Variants in INPP5B observed in about 807,000 individuals in gnomAD.
INPP5B encodes the protein type II inositol 1,4,5-trisphosphate 5-phosphatase.
Under a neutral mutation model 118.5 loss-of-function variants are expected in INPP5B, and 90 were observed. The ratio of observed to expected loss-of-function variants is 0.76; its 90% CI spans 0.64 to 0.90. The LOEUF is 0.90. Ranked by LOEUF, INPP5B falls within the 40% of genes least tolerant of loss-of-function variation. INPP5B has a pLI of 0.00. For missense variants in INPP5B, 984 were observed against 1,125.6 expected (o/e 0.87, Z 1.80); for synonymous variants, 385 against 418.9 (o/e 0.92, Z 0.99).
At chr1:37,941,045 A>C (rs1354470444) in intron 5 of INPP5B, among the ~76,000 whole-genome samples, 1 of 152,242 alleles carries the variant, frequency 6.6e-6, no homozygotes, top group Middle Eastern at 3.4e-3. Flanking sequence ...CCTCAACTGC[A>C]GTACTAGATG....
At chr1:37,908,169 G>T (rs928754552) in intron 7 of INPP5B, among the ~76,000 whole-genome samples, 9 of 152,164 alleles carry the variant, frequency 5.9e-5, no homozygotes, top group Admixed American at 3.3e-4. Context: ...CACAAAGCCT[G>T]TTGGTGGTCT....
At chr1:37,876,564 A>T (rs1269842443) in intron 16 of INPP5B, among the ~76,000 whole-genome samples, 2 of 147,888 alleles carry the variant, frequency 1.4e-5, no homozygotes, top group Non-Finnish European at 3.0e-5. Flanking sequence ...AAAAAAAAAA[A>T]AAAAAAAAAA....
At chr1:37,872,158 G>C (rs1054595496) in intron 19 of INPP5B, among the ~76,000 whole-genome samples, 4 of 151,112 alleles carry the variant, frequency 2.6e-5, no homozygotes, top group African/African-American at 9.7e-5. Flanking sequence ...CCTGAGGTTG[G>C]GAGTTCCAGA....
chr1:37,866,040 G>A (rs1181012023), intron 21 of INPP5B, 152 bp from the exon 22 acceptor site: 14 of 1,275,584 alleles, frequency 1.1e-5, no homozygotes, highest in East Asian at 5.3e-5. Context: ...GGACCACACT[G>A]TTTGTCAGGT....
intron 7 of INPP5B, chr1:37,929,449 T>TG (rs1645364756): frequency 6.6e-6 from 1 of 152,168 alleles, no homozygotes; most frequent in Admixed American, 6.6e-5. Context: ...CTGTTTGCTT[T>TG]GGGTTCTCTA....
At chr1:37,928,040 C>T (rs985827220) in intron 7 of INPP5B, among the ~76,000 whole-genome samples, 8 of 152,308 alleles carry the variant, frequency 5.3e-5, no homozygotes, top group Middle Eastern at 3.4e-3. Flanking sequence ...CCTTGGCTCA[C>T]GCTACAAGGA....
intron 7 of INPP5B, among the ~76,000 whole-genome samples, chr1:37,892,061 A>C (rs1395077582): frequency 2.6e-5 from 4 of 152,210 alleles, no homozygotes; most frequent in Non-Finnish European, 5.9e-5. Flanking sequence ...ATGAAATCTG[A>C]AAACCTGAGT....
intron 9 of INPP5B, among the ~76,000 whole-genome samples, chr1:37,888,746 T>A (rs903553847): frequency 3.3e-5 from 5 of 152,214 alleles, no homozygotes; most frequent in African/African-American, 9.6e-5. Context: ...ACAGTTTGTA[T>A]CCCTAGAAAC....
At chr1:37,886,608 T>C (rs1218143387) in intron 12 of INPP5B, among the ~76,000 whole-genome samples, 6 of 152,218 alleles carry the variant, frequency 3.9e-5, no homozygotes. Flanking sequence ...TGACCCAGCA[T>C]AGTTTCTGCA....
chr1:37,929,096 T>G, intron 7 of INPP5B: 1 of 152,258 alleles, frequency 6.6e-6, no homozygotes, highest in Non-Finnish European at 1.5e-5. Flanking sequence ...AGTCACTTAC[T>G]GTAGGTATTA....
intron 7 of INPP5B, among the ~76,000 whole-genome samples, chr1:37,916,140 C>CTGGA (rs917657021): frequency 3.3e-5 from 5 of 151,810 alleles, no homozygotes; most frequent in African/African-American, 4.8e-5. Flanking sequence ...GTCACCCAGG[C>CTGGA]TGGAGTTCAG....
At chr1:37,894,557 TTTTC>T (rs1451854524) in intron 7 of INPP5B, among the ~76,000 whole-genome samples, 1 of 149,352 alleles carries the variant, frequency 6.7e-6, no homozygotes, top group Non-Finnish European at 1.5e-5. Flanking sequence ...TGTTTTTCTT[TTTTC>T]TTTTTTTTTT....
chr1:37,883,882 T>G, intron 13 of INPP5B: 25 of 976,590 alleles, frequency 2.6e-5, no homozygotes, highest in Non-Finnish European at 2.9e-5. Flanking sequence ...ATAAAAGAAG[T>G]GGCGTATGTT....
chr1:37,906,206 C>T (rs1011337720), intron 7 of INPP5B, among the ~76,000 whole-genome samples: 2 of 152,156 alleles, frequency 1.3e-5, no homozygotes, highest in African/African-American at 2.4e-5. Flanking sequence ...CATACCTTGG[C>T]TACAGACTCT....
intron 7 of INPP5B, among the ~76,000 whole-genome samples, chr1:37,895,786 A>G (rs1287506260): frequency 1.3e-5 from 2 of 152,164 alleles, no homozygotes; most frequent in Non-Finnish European, 2.9e-5. Flanking sequence ...AGGTGCCGGG[A>G]TTGCAGACGG....
chr1:37,924,509 C>T (rs943452379), intron 7 of INPP5B, among the ~76,000 whole-genome samples: 1 of 152,078 alleles, frequency 6.6e-6, no homozygotes, highest in Non-Finnish European at 1.5e-5. Flanking sequence ...AATGAAAGCA[C>T]GTCTAAATAA....
At chr1:37,945,130 T>TA (rs200647190) in intron 3 of INPP5B, among the ~76,000 whole-genome samples, 2,998 of 149,468 alleles carry the variant, frequency 0.02, 37 homozygotes, top group South Asian at 0.034. Context: ...ACCCCGTCTC[T>TA]AAAAAAAAGA....
At chr1:37,895,502 C>T (rs12730044) in intron 7 of INPP5B, among the ~76,000 whole-genome samples, 1 of 151,572 alleles carries the variant, frequency 6.6e-6, no homozygotes, top group Non-Finnish European at 1.5e-5. Context: ...CCTCCCCCTC[C>T]CTCTCTCTCT....
At chr1:37,910,264 G>A (rs762889997) in intron 7 of INPP5B, among the ~76,000 whole-genome samples, 3 of 152,052 alleles carry the variant, frequency 2.0e-5, no homozygotes, top group Non-Finnish European at 2.9e-5. Flanking sequence ...TTCCAAGGGC[G>A]TGTTTCCCTT....
Sources: gnomAD v4.1 joint callset for allele counts (sites outside exome capture counted in the v4.1 genomes callset) on GRCh38, gnomAD v4.1.1 for gene constraint, MANE v1.5 for transcripts, NCBI Gene and HGNC (gene_info 2026-07-23, HGNC 2026-07-21) for gene names.